FMN1: variants seen among roughly 807,000 people sequenced by gnomAD.
FMN1 encodes formin-1.
In FMN1, 110 loss-of-function variants were observed where a neutral mutation model predicts 132.4. That is an observed-to-expected ratio of 0.83 (90% confidence interval 0.71 to 0.97). The LOEUF (loss-of-function observed/expected upper bound fraction) is 0.97. FMN1 is among the 50% of genes least tolerant of loss of function. FMN1 has a pLI of 0.00. For missense variants in FMN1, 1,792 were observed against 1,705.3 expected, an observed-to-expected ratio of 1.05 and a Z score of -0.90; for synonymous variants, 722 against 651.7, an observed-to-expected ratio of 1.11 and a Z score of -1.64.
At chr15:32,987,617 A>T (rs2033152820) in intron 7 of FMN1, among the ~76,000 whole-genome samples, 1 of 152,180 alleles carries the variant, frequency 6.6e-6, no homozygotes, top group Admixed American at 6.6e-5. Flanking sequence ...CATTCTTCTC[A>T]GTTGAAATTT....
chr15:33,026,410 T>TCACACACACACACACACACA (rs71113496), intron 6 of FMN1, among the ~76,000 whole-genome samples: 9,155 of 139,920 alleles, frequency 0.065, 430 homozygotes, highest in Admixed American at 0.1. Flanking sequence ...GTCCAAATTT[T>TCACACACACACACACACACA]CACACACACA....
At chr15:33,013,428 G>C (rs920230054) in intron 6 of FMN1, among the ~76,000 whole-genome samples, 2 of 152,152 alleles carry the variant, frequency 1.3e-5, no homozygotes, top group African/African-American at 2.4e-5. Flanking sequence ...AGAAAGACTA[G>C]CAAGCAATAA....
intron 17 of FMN1, among the ~76,000 whole-genome samples, chr15:32,845,470 T>C (rs951382426): frequency 6.6e-6 from 1 of 152,188 alleles, no homozygotes; most frequent in African/African-American, 2.4e-5. Flanking sequence ...CTCCTTTAGA[T>C]GATGAAACAA....
chr15:33,088,672 A>AT (rs34180001), intron 5 of FMN1, 127 bp downstream of exon 5: 34 of 861,082 alleles, frequency 3.9e-5, no homozygotes, highest in Admixed American at 6.7e-5. Context: ...CAGCCCACTG[A>AT]TTTTTTTTAA....
chr15:33,075,475 A>G (rs1199453733), intron 5 of FMN1, among the ~76,000 whole-genome samples: 3 of 152,180 alleles, frequency 2.0e-5, no homozygotes, highest in Non-Finnish European at 2.9e-5. Flanking sequence ...CTGAGCTCCA[A>G]AGAAAATTCT....
At chr15:32,779,222 A>T (rs972187562) in intron 19 of FMN1, among the ~76,000 whole-genome samples, 1 of 152,230 alleles carries the variant, frequency 6.6e-6, no homozygotes, top group African/African-American at 2.4e-5. Context: ...TAATGGTTGT[A>T]GACCCTTGTG....
intron 4 of FMN1, among the ~76,000 whole-genome samples, chr15:33,094,094 G>A (rs541775616): frequency 1.4e-4 from 22 of 152,146 alleles, no homozygotes; most frequent in Non-Finnish European, 2.9e-4. Context: ...GGCTAAGAGA[G>A]AAGCAGACGT....
chr15:33,079,928 C>A (rs933131619), intron 5 of FMN1, among the ~76,000 whole-genome samples: 1 of 152,018 alleles, frequency 6.6e-6, no homozygotes, highest in African/African-American at 2.4e-5. Flanking sequence ...TTGAATTGTT[C>A]TTTTCATCTG....
chr15:33,109,417 T>C (rs1431275663), intron 4 of FMN1, among the ~76,000 whole-genome samples: 1 of 152,010 alleles, frequency 6.6e-6, no homozygotes, highest in Non-Finnish European at 1.5e-5. Flanking sequence ...CTATTCACAA[T>C]AGCAAAGACA....
intron 6 of FMN1, among the ~76,000 whole-genome samples, chr15:33,016,215 A>C (rs2035037688): frequency 6.6e-6 from 1 of 152,244 alleles, no homozygotes; most frequent in Admixed American, 6.5e-5. Context: ...TATGCTAATC[A>C]CTGACAGATA....
chr15:32,795,881 C>T (rs78104962), intron 19 of FMN1, among the ~76,000 whole-genome samples: 1,688 of 152,258 alleles, frequency 0.011, 37 homozygotes, highest in African/African-American at 0.039. Context: ...TAATATACCA[C>T]GACACAGTAG....
intron 4 of FMN1, among the ~76,000 whole-genome samples, chr15:33,109,545 T>C (rs1174313523): frequency 2.6e-5 from 4 of 152,078 alleles, no homozygotes; most frequent in African/African-American, 9.7e-5. Flanking sequence ...TGTGGGAACA[T>C]GGATGGAGCT....
intron 10 of FMN1, among the ~76,000 whole-genome samples, chr15:32,912,296 G>C (rs1450989441): frequency 6.6e-6 from 1 of 152,168 alleles, no homozygotes; most frequent in Non-Finnish European, 1.5e-5. Flanking sequence ...GCCCCTTCCA[G>C]TGTGTTCAGT....
chr15:32,948,723 A>G (rs958743738), intron 9 of FMN1, among the ~76,000 whole-genome samples: 2 of 151,818 alleles, frequency 1.3e-5, no homozygotes, highest in East Asian at 1.9e-4. Flanking sequence ...TACTTCCTTA[A>G]TATTACTTAT....
intron 17 of FMN1, among the ~76,000 whole-genome samples, chr15:32,853,403 A>C (rs935478441): frequency 6.6e-6 from 1 of 152,108 alleles, no homozygotes; most frequent in South Asian, 2.1e-4. Context: ...TATGGCAGTA[A>C]TTTTTCTTTT....
intron 11 of FMN1, among the ~76,000 whole-genome samples, chr15:32,909,829 T>C (rs1225302700): frequency 2.0e-5 from 3 of 152,146 alleles, no homozygotes; most frequent in African/African-American, 7.2e-5. Flanking sequence ...TACAGTCCTG[T>C]TGACTTTCAA....
chr15:32,863,181 C>T (rs1325091800), intron 16 of FMN1, among the ~76,000 whole-genome samples: 2 of 152,206 alleles, frequency 1.3e-5, no homozygotes, highest in Non-Finnish European at 2.9e-5. Context: ...CGGTGGCTCA[C>T]GCCTGTAATC....
intron 5 of FMN1, chr15:33,067,220 C>T (rs767010107): frequency 6.2e-6 from 10 of 1,613,444 alleles, no homozygotes; most frequent in Admixed American, 1.7e-5. Context: ...CTGAAGACCA[C>T]CGTTGCCAGC....
chr15:32,865,528 A>AAC (rs1390058858), intron 16 of FMN1, among the ~76,000 whole-genome samples: 2 of 152,220 alleles, frequency 1.3e-5, no homozygotes, highest in African/African-American at 4.8e-5. Context: ...AAAAAGTAGC[A>AAC]ACAAACGTTA....
Sources: allele counts gnomAD v4.1 joint callset (sites outside exome capture counted in the v4.1 genomes callset), GRCh38; gene constraint gnomAD v4.1.1; transcripts MANE v1.5; gene names NCBI Gene and HGNC (gene_info 2026-07-23, HGNC 2026-07-21).